The following PDE11A variants were observed in gnomAD, a reference collection of about 807,000 sequenced individuals.
The protein encoded by PDE11A is dual 3',5'-cyclic-AMP and -GMP phosphodiesterase 11A.
A neutral mutation model predicts 100.5 loss-of-function variants in PDE11A; 100 were observed. That is an observed-to-expected ratio of 1.00 (90% CI 0.85 to 1.18). The LOEUF is 1.18. PDE11A is among the 50% of genes most tolerant of loss of function. The pLI, the probability that PDE11A is intolerant of heterozygous loss-of-function variation, is 0.00. For synonymous variants in PDE11A, 381 were observed against 420.8 expected (o/e 0.91, Z 1.16); for missense variants, 1,141 against 1,152.6 (o/e 0.99, Z 0.15).
At chr2:178,048,928 G>A (rs946021627) in intron 1 of PDE11A, among the ~76,000 whole-genome samples, 8 of 152,176 alleles carry the variant, frequency 5.3e-5, no homozygotes, top group Non-Finnish European at 1.2e-4. Flanking sequence ...GGAACAGTGG[G>A]AGAGGAACAC....
intron 9 of PDE11A, among the ~76,000 whole-genome samples, chr2:177,792,156 T>C (rs2082642433): frequency 6.6e-6 from 1 of 152,196 alleles, no homozygotes; most frequent in South Asian, 2.1e-4. Context: ...GTGAGGCTGT[T>C]TTTCTTAATC....
At chr2:178,107,882 T>C (rs2087640204) in intron 1 of PDE11A, among the ~76,000 whole-genome samples, 1 of 152,000 alleles carries the variant, frequency 6.6e-6, no homozygotes, top group South Asian at 2.1e-4. Flanking sequence ...CCACTATGCC[T>C]GGATAATTTT....
intron 12 of PDE11A, among the ~76,000 whole-genome samples, chr2:177,725,992 T>C (rs183542171): frequency 6.6e-6 from 1 of 152,320 alleles, no homozygotes; most frequent in East Asian, 1.9e-4. Context: ...AAGTTTTTTA[T>C]TGAATGTCCT....
chr2:178,086,649 GA>G (rs2087359929), intron 2 of PDE11A, among the ~76,000 whole-genome samples: 1 of 152,126 alleles, frequency 6.6e-6, no homozygotes, highest in African/African-American at 2.4e-5. Flanking sequence ...GATTAAAACA[GA>G]AAGATTCCAT....
chr2:178,007,490 G>A (rs934356716), intron 2 of PDE11A, among the ~76,000 whole-genome samples: 11 of 152,240 alleles, frequency 7.2e-5, no homozygotes, highest in Admixed American at 3.3e-4. Context: ...ATCATATGAA[G>A]CCTGGGTAAC....
chr2:177,804,721 A>ATG (rs2082844575), intron 9 of PDE11A, among the ~76,000 whole-genome samples: 4 of 151,692 alleles, frequency 2.6e-5, no homozygotes, highest in African/African-American at 9.7e-5. Flanking sequence ...TTATATATAT[A>ATG]TCCACATAAT....
At chr2:177,688,277 T>C (rs1185305283) in intron 15 of PDE11A, 1 of 152,330 alleles carries the variant, frequency 6.6e-6, no homozygotes, top group African/African-American at 2.4e-5. Context: ...TTGTGCCAGG[T>C]TGGTGGTTCA....
intron 1 of PDE11A, among the ~76,000 whole-genome samples, chr2:178,024,269 G>A (rs1007818091): frequency 5.3e-5 from 8 of 152,030 alleles, no homozygotes; most frequent in Non-Finnish European, 7.4e-5. Context: ...AAAATTAGCC[G>A]GGCATAGTGG....
chr2:178,021,438 C>T (rs1201701777), intron 1 of PDE11A, among the ~76,000 whole-genome samples: 1 of 152,068 alleles, frequency 6.6e-6, no homozygotes, highest in Admixed American at 6.5e-5. Flanking sequence ...TTAATATATA[C>T]ATAAATCTGT....
chr2:177,935,779 A>G (rs2085264734), intron 2 of PDE11A, among the ~76,000 whole-genome samples: 1 of 152,206 alleles, frequency 6.6e-6, no homozygotes. Flanking sequence ...AACACCTACC[A>G]TAAATGCGAT....
chr2:178,093,080 T>G (rs1440026048), intron 2 of PDE11A: 1 of 152,208 alleles, frequency 6.6e-6, no homozygotes, highest in African/African-American at 2.4e-5. Flanking sequence ...GGGAGGCTAT[T>G]TTAACTGAGA....
chr2:178,052,299 C>T (rs937770991), intron 1 of PDE11A, among the ~76,000 whole-genome samples: 2 of 152,030 alleles, frequency 1.3e-5, no homozygotes, highest in African/African-American at 2.4e-5. Flanking sequence ...GAAATAAAGA[C>T]ATTATTTGAA....
At chr2:178,061,627 G>A (rs910826491) in intron 1 of PDE11A, among the ~76,000 whole-genome samples, 6 of 152,238 alleles carry the variant, frequency 3.9e-5, no homozygotes, top group Middle Eastern at 3.4e-3. Context: ...GAGGTGGCTC[G>A]GAAGCAAAGT....
intron 15 of PDE11A, among the ~76,000 whole-genome samples, chr2:177,682,097 T>A (rs545240461): frequency 2.0e-5 from 3 of 152,274 alleles, no homozygotes; most frequent in Non-Finnish European, 4.4e-5. Flanking sequence ...GGAGGCTTCA[T>A]CTGCATAACA....
intron 2 of PDE11A, among the ~76,000 whole-genome samples, chr2:177,982,905 C>T (rs902916203): frequency 5.3e-5 from 8 of 150,460 alleles, no homozygotes; most frequent in African/African-American, 1.9e-4. Context: ...CATAGTAAAA[C>T]CCCATCTCTA....
chr2:177,773,889 A>G (rs1359560116), intron 9 of PDE11A, among the ~76,000 whole-genome samples: 1 of 152,218 alleles, frequency 6.6e-6, no homozygotes, highest in African/African-American at 2.4e-5. Context: ...GAATCCGTAG[A>G]AAAACCAACA....
chr2:177,693,948 A>C (rs1419080949), intron 15 of PDE11A, among the ~76,000 whole-genome samples: 1 of 152,226 alleles, frequency 6.6e-6, no homozygotes, highest in Non-Finnish European at 1.5e-5. Context: ...CCCTCTCATT[A>C]TAACTCTAGG....
chr2:178,095,258 A>G (rs1403667431), intron 2 of PDE11A, among the ~76,000 whole-genome samples: 1 of 151,264 alleles, frequency 6.6e-6, no homozygotes, highest in African/African-American at 2.4e-5. Flanking sequence ...GGATACAAAC[A>G]ATGGGTGCAT....
At chr2:178,060,937 CTTTTTTTTTT>C (rs71010855) in intron 1 of PDE11A, among the ~76,000 whole-genome samples, 1 of 75,678 alleles carries the variant, frequency 1.3e-5, no homozygotes, top group Non-Finnish European at 2.3e-5. Flanking sequence ...TGTAAATATT[CTTTTTTTTTT>C]TTTTTTTTTT....
Sources: gnomAD v4.1 joint callset for allele counts (sites outside exome capture counted in the v4.1 genomes callset) on GRCh38, gnomAD v4.1.1 for gene constraint, MANE v1.5 for transcripts, NCBI Gene and HGNC (gene_info 2026-07-23, HGNC 2026-07-21) for gene names.